The following KIAA1328 variants were observed in gnomAD, a reference collection of about 807,000 sequenced individuals.
KIAA1328 encodes KIAA1328.
In KIAA1328, 52 loss-of-function variants were observed where a neutral mutation model predicts 68.1. The observed-to-expected ratio is 0.76, with a 90% CI of 0.61 to 0.96. KIAA1328 has a LOEUF of 0.96. Among genes scored for constraint, KIAA1328 ranks in the 40% least tolerant of loss-of-function variants. The pLI, the probability that KIAA1328 is intolerant of heterozygous loss-of-function variation, is 0.00. For synonymous variants in KIAA1328, 232 were observed against 239.4 expected, an observed-to-expected ratio of 0.97 and a Z score of 0.28; for missense variants, 641 against 677.6, an observed-to-expected ratio of 0.95 and a Z score of 0.60.
intron 5 of KIAA1328, among the ~76,000 whole-genome samples, chr18:36,915,812 GCAAT>G (rs1568160361): frequency 6.6e-6 from 1 of 152,062 alleles, no homozygotes. Flanking sequence ...TTTTGACTCA[GCAAT>G]CCCACTCCTA....
intron 4 of KIAA1328, among the ~76,000 whole-genome samples, chr18:36,877,667 T>C (rs940637870): frequency 8.3e-5 from 12 of 144,750 alleles, no homozygotes; most frequent in African/African-American, 2.8e-4. Context: ...CTGTGTCTTT[T>C]TTTTTTTTTT....
At chr18:36,865,899 G>T (rs1306575209) in intron 4 of KIAA1328, among the ~76,000 whole-genome samples, 1 of 152,046 alleles carries the variant, frequency 6.6e-6, no homozygotes, top group Non-Finnish European at 1.5e-5. Context: ...CTGCCTGCTG[G>T]TCTGCTCCCT....
At chr18:37,087,407 T>A (rs1385240324) in intron 7 of KIAA1328, among the ~76,000 whole-genome samples, 1 of 152,234 alleles carries the variant, frequency 6.6e-6, no homozygotes, top group East Asian at 1.9e-4. Context: ...AAAGGCCATT[T>A]TTTAAAATAA....
intron 5 of KIAA1328, among the ~76,000 whole-genome samples, chr18:36,909,422 T>C (rs2049347443): frequency 6.6e-6 from 1 of 152,122 alleles, no homozygotes; most frequent in Non-Finnish European, 1.5e-5. Context: ...CTGAGAATGA[T>C]GGTTTCCAGC....
At position 37,160,253 on chromosome 18, in the gene KIAA1328, A is replaced by T; in HGVS notation, c.1286A>T (p.Lys429Ile). The T allele has an allele frequency of 6.2e-7, 1 of 1,613,590 alleles. No individual in the cohort carries two copies. The highest frequency in any genetic ancestry group is 1.1e-5 in the South Asian group (1 of 91,014). The change falls in exon 8 of 10, where the codon AAA (lysine) becomes ATA (isoleucine). Residue 429 changes from lysine to isoleucine, a missense_variant. Lys to Ile is a moderately radical substitution (Grantham distance 102, BLOSUM62 -3). Transcript: ENST00000280020. ...GWLLGTSSSIKKHQDPPNSGE... is the reference protein window; with the variant it reads ...GWLLGTSSSIIKHQDPPNSGE... The stretch of plus-strand genomic sequence containing the variant: ...CTGCTTGGAACATCATCATCTATTA[A>T]AAAGCACCAAGACCCCCCAAACAGT...
intron 6 of KIAA1328, among the ~76,000 whole-genome samples, chr18:37,041,643 TGTGTGTG>T (rs2151625303): frequency 4.2e-4 from 1 of 2,396 alleles, no homozygotes; most frequent in East Asian, 0.013. Flanking sequence ...TTTGTGTTTG[TGTGTGTG>T]TGTGTGTGTG....
chr18:36,895,714 A>G (rs915615193), intron 5 of KIAA1328: 3 of 455,278 alleles, frequency 6.6e-6, no homozygotes, highest in South Asian at 1.6e-5. Flanking sequence ...TTCAAAATTC[A>G]TATGTTGAAG....
intron 8 of KIAA1328, among the ~76,000 whole-genome samples, chr18:37,162,845 C>G (rs1187403144): frequency 6.6e-6 from 1 of 151,432 alleles, no homozygotes; most frequent in Non-Finnish European, 1.5e-5. Context: ...CTCTCCTATC[C>G]TCCTCACCAT....
intron 6 of KIAA1328, among the ~76,000 whole-genome samples, chr18:37,022,875 T>G (rs2054401721): frequency 6.6e-6 from 1 of 152,204 alleles, no homozygotes; most frequent in African/African-American, 2.4e-5. Context: ...CATCACACAT[T>G]CTGTTGGCTT....
intron 9 of KIAA1328, among the ~76,000 whole-genome samples, chr18:37,185,892 T>A (rs2059788039): frequency 6.6e-6 from 1 of 152,086 alleles, no homozygotes; most frequent in South Asian, 2.1e-4. Context: ...GCATTTTATA[T>A]TGTCTGTAAC....
At chr18:37,010,742 C>G (rs1026830973) in intron 6 of KIAA1328, among the ~76,000 whole-genome samples, 3 of 152,070 alleles carry the variant, frequency 2.0e-5, no homozygotes, top group Admixed American at 2.0e-4. Context: ...AACATCAAAG[C>G]TAAACATTAT....
chr18:37,214,945 C>G (rs983358093), intron 9 of KIAA1328, among the ~76,000 whole-genome samples: 21 of 152,092 alleles, frequency 1.4e-4, no homozygotes, highest in Non-Finnish European at 2.6e-4. Flanking sequence ...TGATTTGGCT[C>G]TCTGTTTGTC....
At chr18:36,854,353 T>C (rs2047315988) in intron 4 of KIAA1328, among the ~76,000 whole-genome samples, 1 of 152,232 alleles carries the variant, frequency 6.6e-6, no homozygotes, top group South Asian at 2.1e-4. Context: ...TGAATTAATA[T>C]GGTGCTCATT....
chr18:37,220,581 T>C (rs1408738009), intron 9 of KIAA1328, among the ~76,000 whole-genome samples: 2 of 152,190 alleles, frequency 1.3e-5, no homozygotes, highest in African/African-American at 4.8e-5. Flanking sequence ...AATGTCCACG[T>C]GTATGTTTTT....
chr18:36,956,464 T>G (rs2151256970), intron 5 of KIAA1328, among the ~76,000 whole-genome samples: 1 of 151,930 alleles, frequency 6.6e-6, no homozygotes, highest in Admixed American at 6.6e-5. Flanking sequence ...GAGAAGGACG[T>G]TTTGTCCGCA....
intron 5 of KIAA1328, among the ~76,000 whole-genome samples, chr18:36,950,924 G>A (rs976325200): frequency 9.9e-5 from 15 of 152,276 alleles, no homozygotes; most frequent in Admixed American, 1.3e-4. Context: ...CAAAACAGTC[G>A]GGGGAGATGA....
At chr18:36,928,961 T>C (rs1431982222) in intron 5 of KIAA1328, among the ~76,000 whole-genome samples, 1 of 152,226 alleles carries the variant, frequency 6.6e-6, no homozygotes, top group African/African-American at 2.4e-5. Flanking sequence ...TCTTATATTC[T>C]TTCCCATACT....
chr18:36,856,939 T>TAGTCTCTGAAG (rs1422129462), intron 4 of KIAA1328, among the ~76,000 whole-genome samples: 2 of 152,172 alleles, frequency 1.3e-5, no homozygotes, highest in Non-Finnish European at 2.9e-5. Flanking sequence ...GTTTTGTTAT[T>TAGTCTCTGAAG]TCAATGTCAG....
rs901981708 is a variant in KIAA1328 at position 37,137,156 on chromosome 18, A to G, written c.1233-23044A>G. Among the ~76,000 whole-genome samples the G allele has an allele frequency of 2.6e-5, 4 of 152,198 alleles. No individual in the cohort carries two copies. The East Asian group carries it at 5.8e-4, about 22-fold the overall frequency. On this transcript the variant is annotated intron_variant, in intron 7 of 9. Transcript: ENST00000280020. ...ATCCCTAATTATATACCAGGATCAC[A>G]TCTTTGTGTGAAGCACCTGCCTTTC...
Sources: gnomAD v4.1 joint callset for allele counts (sites outside exome capture counted in the v4.1 genomes callset) on GRCh38, gnomAD v4.1.1 for gene constraint, MANE v1.5 for transcripts, NCBI Gene and HGNC (gene_info 2026-07-23, HGNC 2026-07-21) for gene names.